HSPB6: variants seen among roughly 807,000 people sequenced by gnomAD.
HSPB6 encodes heat shock protein family B (small) member 6, also known as heat shock protein beta-6.
A neutral mutation model predicts 10.7 loss-of-function variants in HSPB6; 8 were observed. The observed-to-expected ratio is 0.75, with a 90% CI of 0.44 to 1.35. The LOEUF (loss-of-function observed/expected upper bound fraction) is 1.35. Ranked by LOEUF, HSPB6 falls within the 40% of genes most tolerant of loss-of-function variation. The pLI, the probability that HSPB6 is intolerant of heterozygous loss-of-function variation, is 0.00. For synonymous variants in HSPB6, 128 were observed against 114.2 expected, an observed-to-expected ratio of 1.12 and a Z score of -0.77; for missense variants, 232 against 236.0, an observed-to-expected ratio of 0.98 and a Z score of 0.11.
Position 35,755,490 on chromosome 19 carries a change from C to A in HSPB6, c.*32G>T. On this transcript the variant is annotated 3_prime_UTR_variant, in exon 3 of 3. Coordinates refer to ENST00000004982, the MANE Select transcript of HSPB6 (RefSeq NM_144617.3). ...CTTTAATAGAGGGAGCCTGAGGAGG[C>A]TCCCGGGGTGCGGGCGCGGCCCAGC... 1 of 1,515,494 alleles carries A rather than the reference C, an allele frequency of 6.6e-7. No homozygotes were observed. Among genetic ancestry groups the A allele is most frequent in the Non-Finnish European group, 8.8e-7 (1 of 1,138,020 alleles). 93.9% of individuals were successfully genotyped at this position (1,515,494 alleles called of 1,614,324 possible). A position where few individuals can be genotyped will look rare whatever the true frequency, so the allele number is the denominator to read the frequency against.
In HSPB6 at chr19:35,755,373, G is replaced by C; in HGVS notation, c.*149C>G. ...GAAGGGTCTATGTTATCAAGGCAGT[G>C]TCCAGGATGGAGGTCAGGGCAGAAT... On this transcript the variant is annotated 3_prime_UTR_variant, in exon 3 of 3. Coordinates refer to ENST00000004982, the MANE Select transcript of HSPB6 (RefSeq NM_144617.3). 1 of 809,236 alleles carries C rather than the reference G, an allele frequency of 1.2e-6. No individual in the cohort carries two copies. The highest frequency in any genetic ancestry group is 1.5e-5 in the South Asian group (1 of 68,302). 50.1% of individuals were successfully genotyped at this position (809,236 alleles called of 1,614,324 possible).
At position 35,754,788 on chromosome 19, in the gene HSPB6, G is replaced by T; in HGVS notation, c.*734C>A. The T allele has an allele frequency of 2.6e-5, 12 of 460,362 alleles. No individual in the cohort carries two copies. The highest frequency in any genetic ancestry group is 2.6e-4 in the South Asian group (12 of 46,400). The allele number at this position is 460,362 out of a possible 1,614,324, so 28.5% of individuals were successfully genotyped here. A position where few individuals can be genotyped will look rare whatever the true frequency, so the allele number is the denominator to read the frequency against. ...TGGGGTCTGGTTAGAGTTGGGGAGG[G>T]GGCCTAGGACATCCGTGCAGAGTCT... On this transcript the variant is annotated 3_prime_UTR_variant, in exon 3 of 3. Transcript: ENST00000004982.
At position 35,755,247 on chromosome 19, in the gene HSPB6, T is replaced by C; in HGVS notation, c.*275A>G. On this transcript the variant is annotated 3_prime_UTR_variant, in exon 3 of 3. Transcript: ENST00000004982. ...AAGTGGGTCGGTGGGGCTGAGACTG[T>C]CGGCTGAGGGTTAGGGTAGTGCTGG... The C allele has an allele frequency of 1.6e-6, 1 of 614,950 alleles. No homozygotes were observed. The highest frequency in any genetic ancestry group is 3.0e-5 in the Admixed American group (1 of 33,158). 38.1% of individuals were successfully genotyped at this position (614,950 alleles called of 1,614,324 possible).
rs981256447 is a variant in HSPB6, at chr19:35,755,350, A to G, written c.*172T>C. The G allele has an allele frequency of 1.4e-6, 1 of 739,678 alleles. No homozygotes were observed. Among genetic ancestry groups the G allele is most frequent in the Non-Finnish European group, 2.4e-6 (1 of 425,226 alleles). 45.8% of individuals were successfully genotyped at this position (739,678 alleles called of 1,614,324 possible). On this transcript the variant is annotated 3_prime_UTR_variant, in exon 3 of 3. Transcript: ENST00000004982. ...GTGTGAGAGCGAGGGTGTCAGTGGA[A>G]GGGTCTATGTTATCAAGGCAGTGTC...
rs932312452 is a variant in HSPB6, at chr19:35,755,441, T to A, written c.*81A>T. The stretch of plus-strand genomic sequence containing the variant: ...GACAGTCCTTGGCGCACTCGGGACA[T>A]CTGGCTGGGCGGAGTCAGATCGGCT... On this transcript the variant is annotated 3_prime_UTR_variant, in exon 3 of 3. Transcript: ENST00000004982. 1 of 1,412,798 alleles carries A rather than the reference T, an allele frequency of 7.1e-7. No homozygotes were observed. The highest frequency in any genetic ancestry group is 1.4e-5 in the African/African-American group (1 of 70,258). 87.5% of individuals were successfully genotyped at this position (1,412,798 alleles called of 1,614,324 possible).
rs1420909190 is a variant in HSPB6, at chr19:35,755,310, G to A, written c.*212C>T. On this transcript the variant is annotated 3_prime_UTR_variant, in exon 3 of 3. Transcript: ENST00000004982. ...GCCGGGGAGTTGTCGGTGTGGGGTC[G>A]GAAAGCTGGAGGGGGTGTGAGAGCG... is the stretch of plus-strand genomic sequence containing the variant. 1 of 686,128 alleles carries A rather than the reference G, an allele frequency of 1.5e-6. No homozygotes were observed. The highest frequency in any genetic ancestry group is 2.2e-5 in the Admixed American group (1 of 45,000). The allele number at this position is 686,128 out of a possible 1,614,324, so 42.5% of individuals were successfully genotyped here. A position where few individuals can be genotyped will look rare whatever the true frequency, so the allele number is the denominator to read the frequency against.
At position 35,754,604 on chromosome 19, in the gene HSPB6, T is replaced by C. The variant is rs1599738372; in HGVS notation, c.*918A>G. The stretch of plus-strand genomic sequence containing the variant: ...AGCACATTTATTGGGAGAGTAAGCC[T>C]GGGAAAGACTAAGGGAGTGGTGGCA... On this transcript the variant is annotated 3_prime_UTR_variant, in exon 3 of 3. Transcript: ENST00000004982. 2.9e-5 allele frequency: 24 copies of C among 838,800 alleles called. No individual in the cohort carries two copies. The East Asian group carries it at 6.1e-4, about 21-fold the overall frequency. The allele number at this position is 838,800 out of a possible 1,614,324, so 52.0% of individuals were successfully genotyped here.
chr19:35,756,266 C>T (rs866021369), intron 1 of HSPB6, among the ~76,000 whole-genome samples: 1 of 152,110 alleles, frequency 6.6e-6, no homozygotes, highest in South Asian at 2.1e-4. Context: ...CCAAACTCGC[C>T]AAGATGCCCC....
chr19:35,756,689 G>T (rs1348730491), intron 1 of HSPB6, 122 bp downstream of exon 1: 3 of 988,198 alleles, frequency 3.0e-6, no homozygotes, highest in Admixed American at 4.3e-5. Flanking sequence ...AAGCCCTTCG[G>T]AGCTGCGGAC....
rs1211091041 is a variant in HSPB6 at position 35,756,824 on chromosome 19, AG to A, written c.184del (p.Leu62CysfsTer17). The A allele has an allele frequency of 3.3e-6, 5 of 1,536,208 alleles. No individual in the cohort carries two copies. In the Admixed American group the frequency reaches 5.9e-5, roughly 18 times the overall value. On this transcript the variant is annotated frameshift_variant, in exon 1 of 3. Transcript: ENST00000004982. LOFTEE classifies it high-confidence loss of function. ...PYYLRAPSVA[L>X]PVAQVPTDPG... ...CAGGCCTGGCACCTGGGCGACGGGC[AG>A]CGCCACGCTGGGTGCGCGCAGGTAG...
chr19:35,756,970 G>T lies in HSPB6; in HGVS notation c.39C>A (p.Arg13=), dbSNP rs1268261531. Residue 13 remains arginine (R), a synonymous_variant, in exon 1 of 3, where the codon CGC becomes CGA. Transcript: ENST00000004982. ...IPVPVQPSWL[R]RASAPLPGLS... ...GTCCGGGCAACGGGGCCGAGGCGCGGCGCAGCCAAGACGGCTGCACAGGCA... is the reference window on the plus strand; with the variant it reads ...GTCCGGGCAACGGGGCCGAGGCGCGTCGCAGCCAAGACGGCTGCACAGGCA... The T allele has an allele frequency of 6.5e-7, 1 of 1,545,320 alleles. No homozygotes were observed. The highest frequency in any genetic ancestry group is 2.0e-5 in the Admixed American group (1 of 50,998).
In HSPB6 at chr19:35,756,966, C is replaced by T. The variant is rs1344602768; in HGVS notation, c.43G>A (p.Ala15Thr). The part of the protein sequence containing the change: ...VPVQPSWLRR[A>T]SAPLPGLSAP... Reference sequence around the variant, plus strand: ...GAAAGTCCGGGCAACGGGGCCGAGGCGCGGCGCAGCCAAGACGGCTGCACA... The same window carrying T: ...GAAAGTCCGGGCAACGGGGCCGAGGTGCGGCGCAGCCAAGACGGCTGCACA... Residue 15 changes from alanine (A) to threonine (T), a missense_variant, in exon 1 of 3, where the codon GCC becomes ACC. Ala to Thr is a moderately conservative substitution (Grantham distance 58). Transcript: ENST00000004982. 3 of 1,545,140 alleles carry T rather than the reference C, an allele frequency of 1.9e-6. No individual in the cohort carries two copies. Among genetic ancestry groups the T allele is most frequent in the Non-Finnish European group, 8.7e-7 (1 of 1,146,638 alleles).
In HSPB6 at chr19:35,754,978, T is replaced by G; in HGVS notation, c.*544A>C. On this transcript the variant is annotated 3_prime_UTR_variant, in exon 3 of 3. Transcript: ENST00000004982. ...GAGGGGGCAGTTGTAGACTGTCTGG[T>G]TGCAGGGGAAGGATCGGGTCTTGGG... 2 of 273,650 alleles carry G rather than the reference T, an allele frequency of 7.3e-6. No individual in the cohort carries two copies. The highest frequency in any genetic ancestry group is 7.1e-6 in the Non-Finnish European group (1 of 141,362). 17.0% of individuals were successfully genotyped at this position (273,650 alleles called of 1,614,324 possible). A position where few individuals can be genotyped will look rare whatever the true frequency, so the allele number is the denominator to read the frequency against.
At position 35,755,822 on chromosome 19, in the gene HSPB6, T is replaced by C. The variant is rs890864535; in HGVS notation, c.271A>G (p.Lys91Glu). The C allele has an allele frequency of 6.3e-7, 1 of 1,596,570 alleles. No homozygotes were observed. The highest frequency in any genetic ancestry group is 8.5e-7 in the Non-Finnish European group (1 of 1,172,692). ...ACCTCCACGTGTTCGCCCACCACCT[T>C]GACAGCAATTTCCTCCGGCGAGAAG... Reference protein sequence around the residue: ...KHFSPEEIAVKVVGEHVEVHA... With the variant: ...KHFSPEEIAVEVVGEHVEVHA... Residue 91 changes from lysine to glutamate, a missense_variant, in exon 2 of 3, where the codon AAG (lysine) becomes GAG (glutamate). Transcript: ENST00000004982.
rs796830489 is a variant in HSPB6 at position 35,755,600 on chromosome 19, C to G, written c.405G>C (p.Ala135=). 9 of 1,532,914 alleles carry G rather than the reference C, an allele frequency of 5.9e-6. No individual in the cohort carries two copies. In the African/African-American group the frequency reaches 6.9e-5, roughly 12 times the overall value. The allele number at this position is 1,532,914 out of a possible 1,614,324, so 95.0% of individuals were successfully genotyped here. A position where few individuals can be genotyped will look rare whatever the true frequency, so the allele number is the denominator to read the frequency against. Reference sequence around the variant, plus strand: ...TGGACAGGACGCCCTCGGGGGACAGCGCGGACGTCACGGCAGCCGGATCCA... The same window carrying G: ...TGGACAGGACGCCCTCGGGGGACAGGGCGGACGTCACGGCAGCCGGATCCA... ...PGVDPAAVTS[A]LSPEGVLSIQ... Residue 135 remains alanine (A), a synonymous_variant, in exon 3 of 3, where the codon GCG becomes GCC. Transcript: ENST00000004982.
intron 1 of HSPB6, 106 bp from the exon 2 acceptor site, chr19:35,756,000 G>A: frequency 2.7e-6 from 4 of 1,461,646 alleles, no homozygotes; most frequent in Non-Finnish European, 3.6e-6. Flanking sequence ...GCTCACTCTG[G>A]CCTCCGGAGT....
At position 35,755,797 on chromosome 19, in the gene HSPB6, A is replaced by G. The variant is rs772648300; in HGVS notation, c.296T>C (p.Val99Ala). The part of the protein sequence containing the change: ...AVKVVGEHVE[V>A]HARHEERPDE... ...CGGGCGCTCCTCGTGGCGCGCGTGC[A>G]CCTCCACGTGTTCGCCCACCACCTT... is the stretch of plus-strand genomic sequence containing the variant. Residue 99 changes from valine to alanine, a missense_variant, in exon 2 of 3, where the codon GTG becomes GCG. Val to Ala is a moderately conservative substitution (Grantham distance 64, BLOSUM62 0). Coordinates refer to ENST00000004982, the MANE Select transcript of HSPB6 (RefSeq NM_144617.3). 1 of 1,592,918 alleles carries G rather than the reference A, an allele frequency of 6.3e-7. No homozygotes were observed. The highest frequency in any genetic ancestry group is 8.5e-7 in the Non-Finnish European group (1 of 1,171,260).
rs780532257 is a variant in HSPB6, at chr19:35,755,762, C to G, written c.321+10G>C. ...TACCCGCTCCAGCCCCGCCCCACGCCGCGGCTCACCGGGCGCTCCTCGTGG... is the reference window on the plus strand; with the variant it reads ...TACCCGCTCCAGCCCCGCCCCACGCGGCGGCTCACCGGGCGCTCCTCGTGG... On this transcript the variant is annotated intron_variant, in intron 2 of 2. Transcript: ENST00000004982. 7 of 1,570,640 alleles carry G rather than the reference C, an allele frequency of 4.5e-6. No homozygotes were observed. In the East Asian group the frequency reaches 1.7e-4, roughly 37 times the overall value.
chr19:35,754,778 G>A lies in HSPB6; in HGVS notation c.*744C>T. On this transcript the variant is annotated 3_prime_UTR_variant, in exon 3 of 3. Coordinates refer to ENST00000004982, the MANE Select transcript of HSPB6 (RefSeq NM_144617.3). ...CTTAGGGGGATGGGGTCTGGTTAGA[G>A]TTGGGGAGGGGGCCTAGGACATCCG... 2.1e-6 allele frequency: 1 copy of A among 467,434 alleles called. No individual in the cohort carries two copies. Among genetic ancestry groups the A allele is most frequent in the Admixed American group, 3.4e-5 (1 of 29,514 alleles). The allele number at this position is 467,434 out of a possible 1,614,324, so 29.0% of individuals were successfully genotyped here.
Sources: allele counts gnomAD v4.1 joint callset (sites outside exome capture counted in the v4.1 genomes callset), GRCh38; gene constraint gnomAD v4.1.1; transcripts MANE v1.5; gene names NCBI Gene and HGNC (gene_info 2026-07-23, HGNC 2026-07-21).